PAX7: variants seen among roughly 807,000 people sequenced by gnomAD.
The protein encoded by PAX7 is paired box protein Pax-7.
Under a neutral mutation model 50.7 loss-of-function variants are expected in PAX7, and 18 were observed. The ratio of observed to expected loss-of-function variants is 0.36; its 90% CI spans 0.25 to 0.53. The LOEUF is 0.53. Ranked by LOEUF, PAX7 falls within the 20% of genes least tolerant of loss-of-function variation. The probability of loss-of-function intolerance (pLI) is 0.93; values close to 1 mark genes in which losing one functional copy is unlikely to be tolerated. For missense variants in PAX7, 644 were observed against 702.9 expected (o/e 0.92, Z 0.95); for synonymous variants, 310 against 290.4 (o/e 1.07, Z -0.69).
In PAX7 at chr1:18,652,367, G is replaced by A. The variant is rs550538869; in HGVS notation, c.586+15996G>A. Among the ~76,000 whole-genome samples, 9 of 152,224 alleles carry A rather than the reference G, an allele frequency of 5.9e-5. No homozygotes were observed. The East Asian group carries it at 9.7e-4, about 16-fold the overall frequency. On this transcript the variant is annotated intron_variant, in intron 4 of 8. Coordinates refer to ENST00000420770, the MANE Select transcript of PAX7 (RefSeq NM_001135254.2). ...TCCTAGGAGCACAGCCAGCAATAGC[G>A]CAAGGTCCCGGCTGCACAGAGCTCA... is the stretch of plus-strand genomic sequence containing the variant.
At chr1:18,692,347 G>A (rs2089085095) in intron 5 of PAX7, among the ~76,000 whole-genome samples, 1 of 152,116 alleles carries the variant, frequency 6.6e-6, no homozygotes, top group African/African-American at 2.4e-5. Flanking sequence ...TTCAAGACCT[G>A]CCTGGCCAAC....
At chr1:18,694,402 T>C (rs991997002) in intron 5 of PAX7, among the ~76,000 whole-genome samples, 5 of 151,402 alleles carry the variant, frequency 3.3e-5, no homozygotes, top group Admixed American at 3.3e-4. Context: ...GAGGTTGCAG[T>C]GAGCCGAGAT....
In PAX7 at chr1:18,644,758, C is replaced by T. The variant is rs185024638; in HGVS notation, c.586+8387C>T. Among the ~76,000 whole-genome samples the T allele has an allele frequency of 7.2e-4, 110 of 152,268 alleles. 1 individual carries two copies. In the Middle Eastern group the frequency reaches 0.014, roughly 19 times the overall value. ...AACAGAGCGGAGAGCTTCTCCTCCA[C>T]CCCACTTGGTATTGGAAGGGTCCTT... On this transcript the variant is annotated intron_variant, in intron 4 of 8. Coordinates refer to ENST00000420770, the MANE Select transcript of PAX7 (RefSeq NM_001135254.2).
At chr1:18,647,125 A>T (rs1279487007) in intron 4 of PAX7, among the ~76,000 whole-genome samples, 3 of 151,176 alleles carry the variant, frequency 2.0e-5, no homozygotes, top group Non-Finnish European at 2.9e-5. Context: ...GCTCCGGGCG[A>T]GGGGAGCCGG....
intron 1 of PAX7, among the ~76,000 whole-genome samples, chr1:18,633,832 G>C (rs1448547620): frequency 2.0e-5 from 3 of 152,214 alleles, no homozygotes; most frequent in African/African-American, 2.4e-5. Context: ...GAGCAGATGA[G>C]CCACATCACA....
Position 18,634,731 on chromosome 1 carries a change from G to A in PAX7, c.321+193G>A, listed in dbSNP as rs1164741724. 6.6e-6 allele frequency among the ~76,000 whole-genome samples: 1 copy of A among 152,188 alleles called. No homozygotes were observed. Among genetic ancestry groups the A allele is most frequent in the African/African-American group, 2.4e-5 (1 of 41,436 alleles). The stretch of plus-strand genomic sequence containing the variant: ...AGAGATGGAGCTAAGTGAGGTCTAG[G>A]TTGTGCAAGACCTTGAGGCCAATGA... On this transcript the variant is annotated intron_variant, in intron 2 of 8. Coordinates refer to ENST00000420770, the MANE Select transcript of PAX7 (RefSeq NM_001135254.2). This position sits in a 1 kb window ranked among gnomAD's most constrained non-coding sequence, Gnocchi z 4.0.
chr1:18,678,419 T>C (rs919660687), intron 4 of PAX7, among the ~76,000 whole-genome samples: 1 of 151,916 alleles, frequency 6.6e-6, no homozygotes, highest in Non-Finnish European at 1.5e-5. Context: ...AAAAAAAGTG[T>C]TCTAGAATGA....
In PAX7 at chr1:18,726,199, G is replaced by T. The variant is rs984898693; in HGVS notation, c.1156-9433G>T. On this transcript the variant is annotated intron_variant, in intron 7 of 8. Transcript: ENST00000420770. This position sits in a 1 kb window ranked among gnomAD's most constrained non-coding sequence, Gnocchi z 4.8. ...GTGTGTCTTTGACTTCTTGGACAATGAGTGGAAAGCCATTCTGTTCCTCCC... is the reference window on the plus strand; with the variant it reads ...GTGTGTCTTTGACTTCTTGGACAATTAGTGGAAAGCCATTCTGTTCCTCCC... Among the ~76,000 whole-genome samples the T allele has an allele frequency of 1.3e-5, 2 of 148,522 alleles. No individual in the cohort carries two copies. The highest frequency in any genetic ancestry group is 2.5e-5 in the African/African-American group (1 of 39,768).
chr1:18,717,236 C>T (rs918891259), intron 7 of PAX7, among the ~76,000 whole-genome samples: 7 of 152,208 alleles, frequency 4.6e-5, no homozygotes, highest in African/African-American at 1.7e-4. Context: ...CGCGCCTGGC[C>T]GCCCCCCGGA....
chr1:18,717,004 G>A (rs1434976813), intron 7 of PAX7, among the ~76,000 whole-genome samples: 1 of 151,320 alleles, frequency 6.6e-6, no homozygotes, highest in East Asian at 2.0e-4. Flanking sequence ...GATCGGGTCT[G>A]GGGGGATCCG....
At chr1:18,713,880 G>T (rs1323079857) in intron 7 of PAX7, among the ~76,000 whole-genome samples, 2 of 152,186 alleles carry the variant, frequency 1.3e-5, no homozygotes, top group African/African-American at 4.8e-5. Flanking sequence ...GCACATCGTG[G>T]ACACAGTGGA....
intron 7 of PAX7, among the ~76,000 whole-genome samples, chr1:18,725,761 A>G (rs576221850): frequency 6.6e-6 from 1 of 152,232 alleles, no homozygotes; most frequent in South Asian, 2.1e-4. Context: ...TTATCGAGCC[A>G]TCAGAGATGG....
chr1:18,716,511 GTT>G lies in PAX7; in HGVS notation c.1155+13221_1155+13222del, dbSNP rs1288441743. On this transcript the variant is annotated intron_variant, in intron 7 of 8. Transcript: ENST00000420770. ...GTCTGTTTGTTGTTTTTTGTTTTTT[GTT>G]TTTTTCACACACTCTCTGCTTCCTA... 3.4e-3 allele frequency among the ~76,000 whole-genome samples: 165 copies of G among 48,462 alleles called. No individual in the cohort carries two copies. The East Asian group carries it at 0.046, about 14-fold the overall frequency. The allele number at this position is 48,462 out of a possible 152,430, so 31.8% of individuals were successfully genotyped here.
intron 4 of PAX7, among the ~76,000 whole-genome samples, chr1:18,638,559 G>A (rs776150651): frequency 5.0e-4 from 67 of 133,268 alleles, no homozygotes; most frequent in African/African-American, 1.7e-3. Flanking sequence ...CAGTGGGTGT[G>A]CTGGGTGCGC....
Position 18,634,365 on chromosome 1 carries a change from C to G in PAX7, c.148C>G (p.Pro50Ala), listed in dbSNP as rs760553363. Residue 50 changes from proline to alanine, a missense_variant, in exon 2 of 9, where the codon CCC becomes GCC. Pro to Ala is a conservative substitution (Grantham distance 27). Transcript: ENST00000420770. This position sits in a 1 kb window ranked among gnomAD's most constrained non-coding sequence, Gnocchi z 4.0. ...QLGGVFINGR[P>A]LPNHIRHKIV... is the part of the protein sequence containing the mutation. ...GGGAGGGGTCTTCATCAATGGGCGA[C>G]CCCTGCCTAACCACATCCGCCACAA... 6.2e-7 allele frequency: 1 copy of G among 1,614,090 alleles called. No homozygotes were observed. Among genetic ancestry groups the G allele is most frequent in the Admixed American group, 1.7e-5 (1 of 60,030 alleles).
rs1320301649 is a variant in PAX7 at position 18,708,160 on chromosome 1, C to T, written c.1155+4864C>T. ...GCTCATGAGACCTCATTCCTGATAA[C>T]GTTCATCTGGGGTTAGGATCATAGA... On this transcript the variant is annotated intron_variant, in intron 7 of 8. Transcript: ENST00000420770. Among the ~76,000 whole-genome samples the T allele has an allele frequency of 5.3e-5, 8 of 152,086 alleles. No homozygotes were observed. In the East Asian group the frequency reaches 1.3e-3, roughly 26 times the overall value.
chr1:18,663,511 T>C (rs1323013711), intron 4 of PAX7, among the ~76,000 whole-genome samples: 2 of 152,188 alleles, frequency 1.3e-5, no homozygotes, highest in Non-Finnish European at 2.9e-5. Context: ...GCCTCTCGAG[T>C]AGCTGGGATT....
intron 5 of PAX7, among the ~76,000 whole-genome samples, chr1:18,694,608 G>C (rs2089127599): frequency 6.6e-6 from 1 of 152,156 alleles, no homozygotes; most frequent in Admixed American, 6.5e-5. Flanking sequence ...CAGGGCCAGG[G>C]TCAAGAGAGG....
chr1:18,685,768 G>T (rs1254146394), intron 4 of PAX7, among the ~76,000 whole-genome samples: 1 of 152,246 alleles, frequency 6.6e-6, no homozygotes, highest in African/African-American at 2.4e-5. Flanking sequence ...TGCTGGCGTG[G>T]CTGAGGCTTC....
Sources: gnomAD v4.1 joint callset for allele counts (sites outside exome capture counted in the v4.1 genomes callset) on GRCh38, gnomAD v4.1.1 for gene constraint, Gnocchi (gnomAD v3.1) non-coding constraint, MANE v1.5 for transcripts, NCBI Gene and HGNC (gene_info 2026-07-23, HGNC 2026-07-21) for gene names.